Variants in RAPH1 observed in about 807,000 individuals in gnomAD.
The protein encoded by RAPH1 is Ras association (RalGDS/AF-6) and pleckstrin homology domains 1.
RAPH1 carries 18 observed loss-of-function variants against 88.1 expected under a neutral mutation model. The observed-to-expected ratio is 0.20, with a 90% CI of 0.14 to 0.30. The LOEUF (loss-of-function observed/expected upper bound fraction) is 0.30. Ranked by LOEUF, RAPH1 falls within the 10% of genes least tolerant of loss-of-function variation. The probability of loss-of-function intolerance (pLI) is 1.00; values close to 1 mark genes in which losing one functional copy is unlikely to be tolerated. For missense variants in RAPH1, 1,448 were observed against 1,543.2 expected, an observed-to-expected ratio of 0.94 and a Z score of 1.03; for synonymous variants, 587 against 559.0, an observed-to-expected ratio of 1.05 and a Z score of -0.71.
At chr2:203,512,253 A>G (rs1162734683) in intron 1 of RAPH1, among the ~76,000 whole-genome samples, 8 of 149,896 alleles carry the variant, frequency 5.3e-5, no homozygotes, top group African/African-American at 2.0e-4. Context: ...ACATGACGAA[A>G]CCCTGTCTCT....
intron 4 of RAPH1, among the ~76,000 whole-genome samples, chr2:203,466,542 A>G (rs928296326): frequency 1.3e-5 from 2 of 152,242 alleles, no homozygotes; most frequent in African/African-American, 4.8e-5. Flanking sequence ...TTCAATGTTT[A>G]CAGCCCAAGT....
At chr2:203,527,142 C>A (rs1397322475) in intron 1 of RAPH1, among the ~76,000 whole-genome samples, 1 of 152,096 alleles carries the variant, frequency 6.6e-6, no homozygotes, top group Non-Finnish European at 1.5e-5. Context: ...CCATTTATAC[C>A]CCAGGATGTA....
At chr2:203,515,988 T>A (rs114458481) in intron 1 of RAPH1, among the ~76,000 whole-genome samples, 2 of 152,210 alleles carry the variant, frequency 1.3e-5, no homozygotes, top group Non-Finnish European at 2.9e-5. Context: ...TCTTAATTGA[T>A]CTAAAGATAA....
At position 203,439,982 on chromosome 2, in the gene RAPH1, C is replaced by T. The variant is rs183835882; in HGVS notation, c.3208G>A (p.Asp1070Asn). The change falls in exon 14 of 14, where the codon GAT becomes AAT. Residue 1070 changes from aspartate (D) to asparagine (N), a missense_variant. Around this residue, in one of 2 missense-constraint regions of RAPH1, gnomAD observed 935 missense variants for 890.1 expected, o/e 1.05. Transcript: ENST00000319170. ...GGTGGAGGGGGTGGAAAATCAGAAT[C>T]GGATGGAGGAGAAGGAAATTCCACC... ...SVVEFPSPPS[D>N]SDFPPPPPET... 1 of 1,613,658 alleles carries T rather than the reference C, an allele frequency of 6.2e-7. No homozygotes were observed. The highest frequency in any genetic ancestry group is 8.5e-7 in the Non-Finnish European group (1 of 1,179,992).
At chr2:203,498,046 G>A (rs1688593403) in intron 1 of RAPH1, among the ~76,000 whole-genome samples, 1 of 152,146 alleles carries the variant, frequency 6.6e-6, no homozygotes, top group South Asian at 2.1e-4. Context: ...GAATATACTT[G>A]CTTTTACTTC....
chr2:203,484,782 AC>A (rs1414453285), intron 4 of RAPH1, among the ~76,000 whole-genome samples: 2 of 152,182 alleles, frequency 1.3e-5, no homozygotes, highest in African/African-American at 2.4e-5. Flanking sequence ...TCCCTCTTTT[AC>A]TCACTCACCC....
chr2:203,489,490 T>C, intron 4 of RAPH1, 94 bp downstream of exon 4: 5 of 936,954 alleles, frequency 5.3e-6, no homozygotes, highest in South Asian at 3.2e-5. Flanking sequence ...ATTATAAATG[T>C]AGAAGAATTT....
intron 4 of RAPH1, among the ~76,000 whole-genome samples, chr2:203,481,526 A>G (rs1241562948): frequency 2.0e-5 from 3 of 147,650 alleles, no homozygotes; most frequent in Non-Finnish European, 4.5e-5. Context: ...TTTTAAAACT[A>G]TTTCTTTTTG....
chr2:203,500,869 A>C (rs1688711358), intron 1 of RAPH1, among the ~76,000 whole-genome samples: 1 of 152,204 alleles, frequency 6.6e-6, no homozygotes. Context: ...CTCTTCCATT[A>C]CCATAGTCTC....
chr2:203,444,731 A>G (rs1246742551), intron 13 of RAPH1, 137 bp downstream of exon 13: 2 of 734,416 alleles, frequency 2.7e-6, no homozygotes, highest in Admixed American at 5.7e-5. Flanking sequence ...ACCCACTACA[A>G]TTAGGAAGAT....
Position 203,489,800 on chromosome 2 carries a change from C to T in RAPH1, c.516G>A (p.Gln172=), listed in dbSNP as rs140228871. The T allele has an allele frequency of 2.4e-4, 380 of 1,614,072 alleles. No individual in the cohort carries two copies. The highest frequency in any genetic ancestry group is 3.0e-4 in the Non-Finnish European group (354 of 1,180,036). Reference sequence around the variant, plus strand: ...GTTTAGTATCTTCTAGTACAGATTGCTGAGCAGCCTCATCCATACTCAAAG... The same window carrying T: ...GTTTAGTATCTTCTAGTACAGATTGTTGAGCAGCCTCATCCATACTCAAAG... ...QASLSMDEAA[Q]QSVLEDTKPL... The change falls in exon 4 of 14, where the codon CAG becomes CAA. Residue 172 remains glutamine (Q), a synonymous_variant. Transcript: ENST00000319170.
chr2:203,441,949 C>T, intron 13 of RAPH1: 1 of 1,392,826 alleles, frequency 7.2e-7, no homozygotes, highest in South Asian at 1.9e-5. Flanking sequence ...GAATGTTGAG[C>T]AGGCGTGCAC....
chr2:203,531,562 G>C (rs1215339999), intron 1 of RAPH1, among the ~76,000 whole-genome samples: 1 of 152,178 alleles, frequency 6.6e-6, no homozygotes, highest in Non-Finnish European at 1.5e-5. Flanking sequence ...CTTTAAAAAT[G>C]AGTCAAGGAC....
At chr2:203,479,549 A>G (rs1026275248) in intron 4 of RAPH1, among the ~76,000 whole-genome samples, 2 of 151,640 alleles carry the variant, frequency 1.3e-5, no homozygotes, top group East Asian at 1.9e-4. Flanking sequence ...CAGAGGTTTC[A>G]GTGAGCCGAG....
intron 4 of RAPH1, among the ~76,000 whole-genome samples, chr2:203,473,469 A>G (rs1003565547): frequency 2.0e-5 from 3 of 152,156 alleles, no homozygotes; most frequent in South Asian, 4.2e-4. Flanking sequence ...TTAAAACTAC[A>G]TAATTTCTAC....
In RAPH1 at chr2:203,497,959, A is replaced by C. The variant is rs150057614; in HGVS notation, c.1-2606T>G. On this transcript the variant is annotated intron_variant, in intron 1 of 13. Transcript: ENST00000319170. ...CTGACCAGATGACTTAATTACTCAA[A>C]TAGGTGCTAGTTTGAGAACACTCAG... Among the ~76,000 whole-genome samples, 8 of 152,338 alleles carry C rather than the reference A, an allele frequency of 5.3e-5. No homozygotes were observed. The East Asian group carries it at 1.5e-3, about 29-fold the overall frequency.
intron 1 of RAPH1, among the ~76,000 whole-genome samples, chr2:203,517,359 CAAAAAAAAA>C (rs71408943): frequency 4.0e-4 from 13 of 32,156 alleles, no homozygotes; most frequent in Admixed American, 2.0e-3. Context: ...CTATGAGAGG[CAAAAAAAAA>C]AAAAAAAAAA....
chr2:203,483,354 CAT>C (rs1687813951), intron 4 of RAPH1, among the ~76,000 whole-genome samples: 1 of 152,074 alleles, frequency 6.6e-6, no homozygotes, highest in African/African-American at 2.4e-5. Context: ...ACATTCTAGA[CAT>C]ATTCTGAAGA....
chr2:203,470,831 AT>A (rs2098532380), intron 4 of RAPH1, among the ~76,000 whole-genome samples: 1 of 152,198 alleles, frequency 6.6e-6, no homozygotes, highest in Non-Finnish European at 1.5e-5. Context: ...ATCCATCAAT[AT>A]TTTGCCTAAT....
Sources: allele counts gnomAD v4.1 joint callset (sites outside exome capture counted in the v4.1 genomes callset), GRCh38; gene constraint gnomAD v4.1.1; regional missense constraint gnomAD v4.1.1; transcripts MANE v1.5; gene names NCBI Gene and HGNC (gene_info 2026-07-23, HGNC 2026-07-21).